DMD: variants seen among roughly 807,000 people sequenced by gnomAD.
DMD encodes the protein mutant dystrophin.
A neutral mutation model predicts 330.1 loss-of-function variants in DMD; 63 were observed. The ratio of observed to expected loss-of-function variants is 0.19; its 90% confidence interval spans 0.16 to 0.24. DMD has a LOEUF of 0.24. Among genes scored for constraint, DMD ranks in the 10% least tolerant of loss-of-function variants. DMD has a pLI of 1.00. For missense variants in DMD, 3,344 were observed against 2,684.1 expected, an observed-to-expected ratio of 1.25 and a Z score of -5.43; for synonymous variants, 1,223 against 959.8, an observed-to-expected ratio of 1.27 and a Z score of -5.07.
intron 48 of DMD, among the ~76,000 whole-genome samples, chrX:31,869,871 C>G (rs1162254267): frequency 1.8e-5 from 2 of 111,439 alleles, no homozygotes; most frequent in East Asian, 2.8e-4. Context: ...TCTGAGAATG[C>G]CTACAGCCCA....
At position 32,219,863 on chromosome X, in the gene DMD, A is replaced by G. The variant is rs781244106; in HGVS notation, c.6291-2800T>C. ...ACCTGTTGCACAGACTTGTTTCTCA[A>G]TCACTCATCATATTGGTAATTGCCA... On this transcript the variant is annotated intron_variant, in intron 43 of 78. Coordinates refer to ENST00000357033, the MANE Select transcript of DMD (RefSeq NM_004006.3). 3.6e-5 allele frequency among the ~76,000 whole-genome samples: 4 copies of G among 112,082 alleles called. No homozygotes were observed. In the Admixed American group the frequency reaches 3.8e-4, roughly 11 times the overall value.
chrX:32,999,646 C>T (rs751676287), intron 2 of DMD, among the ~76,000 whole-genome samples: 1 of 110,393 alleles, frequency 9.1e-6, no homozygotes, highest in Non-Finnish European at 1.9e-5. Flanking sequence ...TGTGGTGGCA[C>T]GTGCCTGTAG....
chrX:31,628,942 A>ATATATATATATATATATAT (rs1556765554), intron 54 of DMD, among the ~76,000 whole-genome samples: 10 of 104,081 alleles, frequency 9.6e-5, no homozygotes, highest in East Asian at 3.1e-4. Context: ...ATATATATAT[A>ATATATATATATATATATAT]AAATGCATGT....
At chrX:32,229,681 CATATATATATATATATATATATATATAT>C (rs55916475) in intron 43 of DMD, among the ~76,000 whole-genome samples, 24 of 24,338 alleles carry the variant, frequency 9.9e-4, no homozygotes, top group South Asian at 3.5e-3. Flanking sequence ...AGAGTTTCAT[CATATATATATATATATATATATATATAT>C]ATATATATAT....
chrX:31,894,816 A>T (rs1360382442), intron 47 of DMD, among the ~76,000 whole-genome samples: 1 of 111,642 alleles, frequency 9.0e-6, no homozygotes, highest in African/African-American at 3.3e-5. Flanking sequence ...AAAACAACAA[A>T]TCTGAAGCCA....
intron 37 of DMD, among the ~76,000 whole-genome samples, chrX:32,359,318 A>G (rs1002277293): frequency 2.7e-5 from 3 of 112,120 alleles, no homozygotes; most frequent in Non-Finnish European, 3.8e-5. Context: ...GTGAATTTTC[A>G]GCATAAGTTA....
intron 44 of DMD, among the ~76,000 whole-genome samples, chrX:32,207,782 GCA>G (rs764457222): frequency 4.5e-5 from 5 of 111,669 alleles, no homozygotes; most frequent in Admixed American, 1.9e-4. Context: ...AAGCCAGGCT[GCA>G]CAGTTTATTT....
intron 7 of DMD, among the ~76,000 whole-genome samples, chrX:32,756,584 A>G (rs1010550802): frequency 9.0e-6 from 1 of 111,028 alleles, no homozygotes; most frequent in Non-Finnish European, 1.9e-5. Flanking sequence ...AAAAAAATAC[A>G]AGATTAATCT....
rs1376347401 is a variant in DMD, at chrX:32,617,603, C to A, written c.1332-3150G>T. ...ACTTAAATTTAAGACTCAAAACTCT[C>A]AATCTATTAGTAGAAAACATAGAGG... On this transcript the variant is annotated intron_variant, in intron 11 of 78. Transcript: ENST00000357033. Among the ~76,000 whole-genome samples, 3 of 111,354 alleles carry A rather than the reference C, an allele frequency of 2.7e-5. No individual in the cohort carries two copies. The East Asian group carries it at 8.5e-4, about 32-fold the overall frequency.
chrX:31,721,016 A>G (rs1037486714), intron 52 of DMD, among the ~76,000 whole-genome samples: 1 of 111,874 alleles, frequency 8.9e-6, no homozygotes, highest in Non-Finnish European at 1.9e-5. Context: ...GGAAGAAAAA[A>G]CATACTTGTT....
chrX:32,271,726 C>T (rs1417721928), intron 43 of DMD, among the ~76,000 whole-genome samples: 1 of 112,142 alleles, frequency 8.9e-6, no homozygotes, highest in Non-Finnish European at 1.9e-5. Flanking sequence ...AGAGACTGTT[C>T]ATGTATCTCC....
chrX:32,522,331 G>A (rs891764831), intron 17 of DMD, among the ~76,000 whole-genome samples: 2 of 111,532 alleles, frequency 1.8e-5, no homozygotes, highest in Non-Finnish European at 3.8e-5. Context: ...TCTCTTTTAT[G>A]TACTACTGGA....
intron 1 of DMD, among the ~76,000 whole-genome samples, chrX:33,321,701 T>C (rs142295833): frequency 0.013 from 1,409 of 112,169 alleles, 18 homozygotes; most frequent in African/African-American, 0.043. Flanking sequence ...TGACTTCTCC[T>C]TTCTAGCTAT....
chrX:33,017,881 T>A (rs1029495660), intron 2 of DMD, among the ~76,000 whole-genome samples: 1 of 111,986 alleles, frequency 8.9e-6, no homozygotes, highest in African/African-American at 3.2e-5. Flanking sequence ...CCTACAGGGC[T>A]AGAATTCTGC....
chrX:31,711,493 T>C (rs777275756), intron 52 of DMD, among the ~76,000 whole-genome samples: 13 of 111,597 alleles, frequency 1.2e-4, no homozygotes, highest in South Asian at 3.7e-4. Context: ...AGTCAATCTA[T>C]ACAGCATATT....
chrX:31,730,322 T>C (rs960115487), intron 51 of DMD, among the ~76,000 whole-genome samples: 1 of 111,597 alleles, frequency 9.0e-6, no homozygotes, highest in Non-Finnish European at 1.9e-5. Context: ...CCAGAACTAA[T>C]GAATATGTAG....
intron 24 of DMD, 57 bp from the exon 25 acceptor site, chrX:32,463,651 A>T: frequency 3.0e-6 from 3 of 1,008,174 alleles, no homozygotes; most frequent in Non-Finnish European, 3.9e-6. Flanking sequence ...CATATTAGAT[A>T]TGAAACATAG....
At chrX:32,736,846 G>C (rs933024241) in intron 7 of DMD, among the ~76,000 whole-genome samples, 15 of 109,718 alleles carry the variant, frequency 1.4e-4, no homozygotes, top group Non-Finnish European at 2.8e-4. Flanking sequence ...CAGCGCACCA[G>C]CATGGCACAT....
intron 9 of DMD, among the ~76,000 whole-genome samples, chrX:32,684,880 A>G (rs2062738033): frequency 9.0e-6 from 1 of 111,168 alleles, no homozygotes; most frequent in Non-Finnish European, 1.9e-5. Flanking sequence ...TATAAATGTT[A>G]CTAATAATTT....
Sources: allele counts gnomAD v4.1 joint callset (sites outside exome capture counted in the v4.1 genomes callset), GRCh38; gene constraint gnomAD v4.1.1; transcripts MANE v1.5; gene names NCBI Gene and HGNC (gene_info 2026-07-23, HGNC 2026-07-21).